Variants in KCNJ6 observed in about 807,000 individuals in gnomAD.
KCNJ6 encodes the protein potassium inwardly rectifying channel subfamily J member 6, also known as G protein-activated inward rectifier potassium channel 2.
KCNJ6 carries 9 observed loss-of-function variants against 34.2 expected under a neutral mutation model. The ratio of observed to expected loss-of-function variants is 0.26; its 90% CI spans 0.16 to 0.46. The LOEUF (loss-of-function observed/expected upper bound fraction) is 0.46, where lower values mean the gene tolerates loss of function less well. Ranked by LOEUF, KCNJ6 falls within the 20% of genes least tolerant of loss-of-function variation. KCNJ6 has a pLI of 1.00. For missense variants in KCNJ6, 236 were observed against 531.3 expected (o/e 0.44, Z 5.46); for synonymous variants, 196 against 207.1 (o/e 0.95, Z 0.46).
chr21:37,728,630 C>A (rs568017146), intron 2 of KCNJ6, among the ~76,000 whole-genome samples: 1 of 151,842 alleles, frequency 6.6e-6, no homozygotes, highest in Admixed American at 6.6e-5. Context: ...TTGATTCCTG[C>A]GATCTTGGAT....
At chr21:37,756,931 C>T (rs1285559876) in intron 2 of KCNJ6, among the ~76,000 whole-genome samples, 2 of 38,252 alleles carry the variant, frequency 5.2e-5, no homozygotes, top group Non-Finnish European at 1.1e-4. Flanking sequence ...GTGAGCACTC[C>T]CTCACAGATT....
At chr21:37,892,852 T>C (rs1015304591) in intron 1 of KCNJ6, among the ~76,000 whole-genome samples, 1 of 144,516 alleles carries the variant, frequency 6.9e-6, no homozygotes, top group Non-Finnish European at 1.5e-5. Context: ...GCTTCTTTCA[T>C]AGTTTTTTTT....
intron 2 of KCNJ6, among the ~76,000 whole-genome samples, chr21:37,837,088 C>A (rs1173709778): frequency 1.3e-5 from 2 of 151,958 alleles, no homozygotes; most frequent in African/African-American, 4.8e-5. Context: ...CTCAATACCC[C>A]CTTCTCTTGG....
At chr21:37,914,374 G>T (rs2123657380) in intron 1 of KCNJ6, among the ~76,000 whole-genome samples, 1 of 152,254 alleles carries the variant, frequency 6.6e-6, no homozygotes, top group East Asian at 1.9e-4. Flanking sequence ...TGGCCTTGGT[G>T]CTGAATCCGG....
At chr21:37,683,614 T>A (rs559697156) in intron 3 of KCNJ6, among the ~76,000 whole-genome samples, 1 of 152,020 alleles carries the variant, frequency 6.6e-6, no homozygotes, top group South Asian at 2.1e-4. Context: ...GCTTAACATA[T>A]TTGTTTGTTC....
chr21:37,895,944 G>GCTAT (rs1350897840), intron 1 of KCNJ6, among the ~76,000 whole-genome samples: 1 of 152,146 alleles, frequency 6.6e-6, no homozygotes, highest in East Asian at 1.9e-4. Flanking sequence ...CGCCGTTCTT[G>GCTAT]GACTGCTATA....
chr21:37,862,942 C>T (rs1325664827), intron 1 of KCNJ6, among the ~76,000 whole-genome samples: 1 of 152,128 alleles, frequency 6.6e-6, no homozygotes, highest in Non-Finnish European at 1.5e-5. Context: ...AGGACAGAGA[C>T]TCTTAAAAAG....
At chr21:37,795,272 T>C (rs1455758775) in intron 2 of KCNJ6, among the ~76,000 whole-genome samples, 2 of 152,180 alleles carry the variant, frequency 1.3e-5, no homozygotes, top group African/African-American at 2.4e-5. Context: ...AAGATTGATT[T>C]GTGTGGAGGT....
chr21:37,662,169 C>T (rs2054492607), intron 3 of KCNJ6, among the ~76,000 whole-genome samples: 1 of 152,014 alleles, frequency 6.6e-6, no homozygotes, highest in African/African-American at 2.4e-5. Context: ...AAATGTGTGC[C>T]ATGGTGGTTT....
At chr21:37,656,660 T>A (rs2123393957) in intron 3 of KCNJ6, among the ~76,000 whole-genome samples, 1 of 152,330 alleles carries the variant, frequency 6.6e-6, no homozygotes, top group Non-Finnish European at 1.5e-5. Context: ...ATCTTTGTCC[T>A]TTCCCCGGCC....
intron 2 of KCNJ6, among the ~76,000 whole-genome samples, chr21:37,783,545 C>T (rs561285605): frequency 6.6e-6 from 1 of 152,316 alleles, no homozygotes; most frequent in South Asian, 2.1e-4. Context: ...TCCAATTAAA[C>T]CTCTTTTTCT....
At chr21:37,815,185 T>G (rs948842309) in intron 2 of KCNJ6, among the ~76,000 whole-genome samples, 2 of 151,986 alleles carry the variant, frequency 1.3e-5, no homozygotes, top group Non-Finnish European at 2.9e-5. Context: ...AAAGAATGAA[T>G]AAGAACTAGT....
intron 2 of KCNJ6, among the ~76,000 whole-genome samples, chr21:37,765,392 G>A (rs2055085811): frequency 6.6e-6 from 1 of 152,188 alleles, no homozygotes; most frequent in Non-Finnish European, 1.5e-5. Flanking sequence ...TTTTCCTCCA[G>A]GGACATTTGG....
intron 2 of KCNJ6, among the ~76,000 whole-genome samples, chr21:37,837,110 A>C (rs972316366): frequency 3.3e-5 from 5 of 151,880 alleles, no homozygotes; most frequent in African/African-American, 1.2e-4. Context: ...CTTTCATCAT[A>C]TACCGTACAT....
intron 2 of KCNJ6, among the ~76,000 whole-genome samples, chr21:37,778,786 C>A (rs1486084988): frequency 6.6e-6 from 1 of 151,906 alleles, no homozygotes; most frequent in African/African-American, 2.4e-5. Flanking sequence ...CCTCCCTCCC[C>A]AGCATGTGTA....
intron 2 of KCNJ6, among the ~76,000 whole-genome samples, chr21:37,799,517 A>G (rs989994118): frequency 6.6e-6 from 1 of 152,214 alleles, no homozygotes; most frequent in East Asian, 1.9e-4. Flanking sequence ...CTACACAGTA[A>G]TTATGGGTCA....
intron 2 of KCNJ6, among the ~76,000 whole-genome samples, chr21:37,754,759 G>A (rs1247341172): frequency 6.6e-6 from 1 of 152,306 alleles, no homozygotes; most frequent in Admixed American, 6.5e-5. Context: ...CCTCACTTTC[G>A]GTACATTTCC....
intron 3 of KCNJ6, among the ~76,000 whole-genome samples, chr21:37,704,601 T>G (rs959234056): frequency 6.6e-6 from 1 of 152,166 alleles, no homozygotes; most frequent in Non-Finnish European, 1.5e-5. Context: ...AAAGGAAATG[T>G]ATTTACTTAG....
At chr21:37,632,878 C>A (rs1213415888) in intron 3 of KCNJ6, among the ~76,000 whole-genome samples, 2 of 152,028 alleles carry the variant, frequency 1.3e-5, no homozygotes, top group African/African-American at 4.8e-5. Flanking sequence ...TTACAAAGCC[C>A]AGACAATCTT....
Sources: allele counts gnomAD v4.1 joint callset (sites outside exome capture counted in the v4.1 genomes callset), GRCh38; gene constraint gnomAD v4.1.1; transcripts MANE v1.5; gene names NCBI Gene and HGNC (gene_info 2026-07-23, HGNC 2026-07-21).